Variants in BCKDHB observed in about 807,000 individuals in gnomAD.
BCKDHB encodes the protein branched chain keto acid dehydrogenase E1 subunit beta.
Under a neutral mutation model 48.5 loss-of-function variants are expected in BCKDHB, and 41 were observed. The ratio of observed to expected loss-of-function variants is 0.85; its 90% confidence interval spans 0.66 to 1.10. The LOEUF (loss-of-function observed/expected upper bound fraction) is 1.10, where lower values mean the gene tolerates loss of function less well. Among genes scored for constraint, BCKDHB ranks in the 50% least tolerant of loss-of-function variants. BCKDHB has a pLI of 0.00. For synonymous variants in BCKDHB, 201 were observed against 174.8 expected (o/e 1.15, Z -1.18); for missense variants, 496 against 494.2 (o/e 1.00, Z -0.03).
At chr6:80,449,108 A>G in the BCKDHB span, among the ~76,000 whole-genome samples, 2 of 152,158 alleles carry the variant, frequency 1.3e-5, no homozygotes, top group East Asian at 3.9e-4. Context: ...TTGAATCAGG[A>G]TCCCATAATC....
chr6:80,344,280 CAGGCAT>C lies in BCKDHB; in HGVS notation c.*477_*482del. 2 of 210,606 alleles carry C rather than the reference CAGGCAT, an allele frequency of 9.5e-6. No homozygotes were observed. The highest frequency in any genetic ancestry group is 5.3e-5 in the Admixed American group (1 of 18,970). The allele number at this position is 210,606 out of a possible 1,614,324, so 13.0% of individuals were successfully genotyped here. A position where few individuals can be genotyped will look rare whatever the true frequency, so the allele number is the denominator to read the frequency against. ...TTAGCCTCCCAAAGTGCTGGGATTA[CAGGCAT>C]GAGCCACTGCACCTGGCTATATTTA... On this transcript the variant is annotated 3_prime_UTR_variant, in exon 10 of 10. Coordinates refer to ENST00000320393, the MANE Select transcript of BCKDHB (RefSeq NM_183050.4).
At chr6:80,258,168 G>T (rs907261883) in intron 8 of BCKDHB, among the ~76,000 whole-genome samples, 2 of 152,044 alleles carry the variant, frequency 1.3e-5, no homozygotes, top group African/African-American at 4.8e-5. Context: ...TTTTGCTTCT[G>T]TGTTGTTTAA....
At chr6:80,454,988 G>T in the BCKDHB span, among the ~76,000 whole-genome samples, 8 of 152,216 alleles carry the variant, frequency 5.3e-5, no homozygotes, top group African/African-American at 1.2e-4. Flanking sequence ...TATGAATCCT[G>T]TCTAATCACT....
the BCKDHB span, among the ~76,000 whole-genome samples, chr6:80,408,823 CTCCTGGATTCATTGATTTTTT>C: frequency 1.4e-5 from 2 of 144,864 alleles, no homozygotes; most frequent in South Asian, 4.3e-4. Flanking sequence ...AACCAAACAG[CTCCTGGATTCATTGATTTTTT>C]TGAAGGGTTT....
intron 9 of BCKDHB, among the ~76,000 whole-genome samples, chr6:80,294,055 C>A (rs1445807970): frequency 6.6e-6 from 1 of 152,208 alleles, no homozygotes; most frequent in Non-Finnish European, 1.5e-5. Context: ...TCTGAGCCCT[C>A]CAAACTGTTC....
At position 80,168,227 on chromosome 6, in the gene BCKDHB, A is replaced by G. The variant is rs551581757; in HGVS notation, c.477+416A>G. On this transcript the variant is annotated intron_variant, in intron 4 of 9. Coordinates refer to ENST00000320393, the MANE Select transcript of BCKDHB (RefSeq NM_183050.4). ...CTTAAACCAGGAGTCCAAGGCTACA[A>G]TGAACTGTGATCGCAGCACTGCACT... Among the ~76,000 whole-genome samples the G allele has an allele frequency of 7.2e-5, 11 of 152,100 alleles. No homozygotes were observed. The East Asian group carries it at 1.8e-3, about 24-fold the overall frequency.
intron 6 of BCKDHB, among the ~76,000 whole-genome samples, chr6:80,193,738 AG>A (rs1774010384): frequency 1.3e-5 from 2 of 150,980 alleles, no homozygotes; most frequent in African/African-American, 4.9e-5. Context: ...AAAAAAAAAA[AG>A]TCTCCTGGTT....
At chr6:80,362,391 T>C in the BCKDHB span, among the ~76,000 whole-genome samples, 3 of 152,188 alleles carry the variant, frequency 2.0e-5, no homozygotes, top group African/African-American at 7.2e-5. Context: ...GGGGAAATAA[T>C]GGGCATAATG....
chr6:80,295,988 C>T (rs933742355), intron 9 of BCKDHB, among the ~76,000 whole-genome samples: 1 of 152,182 alleles, frequency 6.6e-6, no homozygotes, highest in African/African-American at 2.4e-5. Flanking sequence ...ATTAATACCT[C>T]AAAAGTTTCC....
the BCKDHB span, among the ~76,000 whole-genome samples, chr6:80,362,348 A>G: frequency 6.6e-6 from 1 of 152,204 alleles, no homozygotes; most frequent in Admixed American, 6.5e-5. Flanking sequence ...AGTGTACACC[A>G]ATGCTTTCCT....
At chr6:80,193,538 G>A (rs956350034) in intron 6 of BCKDHB, among the ~76,000 whole-genome samples, 8 of 152,110 alleles carry the variant, frequency 5.3e-5, no homozygotes, top group African/African-American at 1.7e-4. Flanking sequence ...GGCCAACATG[G>A]CAAAACCCTG....
chr6:80,161,130 A>T (rs1414331837), intron 3 of BCKDHB, among the ~76,000 whole-genome samples: 1 of 152,082 alleles, frequency 6.6e-6, no homozygotes, highest in African/African-American at 2.4e-5. Context: ...CAGCACTTTG[A>T]TTGATATAGA....
chr6:80,150,888 T>A (rs188641390), intron 3 of BCKDHB, among the ~76,000 whole-genome samples: 3 of 152,296 alleles, frequency 2.0e-5, no homozygotes, highest in East Asian at 3.9e-4. Flanking sequence ...AAATCTTTTT[T>A]ATTTAACTTC....
chr6:80,231,011 A>G (rs1372714969), intron 8 of BCKDHB, among the ~76,000 whole-genome samples: 1 of 152,232 alleles, frequency 6.6e-6, no homozygotes, highest in Non-Finnish European at 1.5e-5. Flanking sequence ...AGTAATAAAT[A>G]AATCAGTGGA....
chr6:80,292,853 A>G (rs1767003155), intron 9 of BCKDHB, among the ~76,000 whole-genome samples: 1 of 152,214 alleles, frequency 6.6e-6, no homozygotes, highest in Non-Finnish European at 1.5e-5. Context: ...CCAAAACAGA[A>G]GGGCTACAAT....
chr6:80,143,956 C>T (rs1398737653), intron 3 of BCKDHB, among the ~76,000 whole-genome samples: 3 of 152,122 alleles, frequency 2.0e-5, no homozygotes, highest in South Asian at 4.1e-4. Flanking sequence ...GTTTTCTGGT[C>T]TTTGCCAGCT....
At chr6:80,363,113 T>C in the BCKDHB span, among the ~76,000 whole-genome samples, 2 of 152,290 alleles carry the variant, frequency 1.3e-5, no homozygotes, top group Non-Finnish European at 2.9e-5. Flanking sequence ...AATTATTCTC[T>C]ACCTAAAGTC....
rs568464178 is a variant in BCKDHB, at chr6:80,184,616, G to A, written c.742+13226G>A. Among the ~76,000 whole-genome samples the A allele has an allele frequency of 3.3e-5, 5 of 152,202 alleles. 1 individual carries two copies. The highest frequency in any genetic ancestry group is 1.3e-4 in the Admixed American group (2 of 15,296). On this transcript the variant is annotated intron_variant, in intron 6 of 9. Transcript: ENST00000320393. ...TTTAGAACTCCTTTTAGAAGTTCTT[G>A]TAGTGCTAGCTTGGTAGTGGAGAAT...
intron 6 of BCKDHB, among the ~76,000 whole-genome samples, chr6:80,176,420 C>T (rs909451357): frequency 6.6e-6 from 1 of 152,120 alleles, no homozygotes; most frequent in African/African-American, 2.4e-5. Context: ...AGTCATCTTC[C>T]AGGTCCTGGA....
Sources: gnomAD v4.1 joint callset for allele counts (sites outside exome capture counted in the v4.1 genomes callset) on GRCh38, gnomAD v4.1.1 for gene constraint, MANE v1.5 for transcripts, NCBI Gene and HGNC (gene_info 2026-07-23, HGNC 2026-07-21) for gene names.